AGBL4: variants seen among roughly 807,000 people sequenced by gnomAD.
AGBL4 encodes cytosolic carboxypeptidase 6.
A neutral mutation model predicts 66.4 loss-of-function variants in AGBL4; 58 were observed. That is an observed-to-expected ratio of 0.87 (90% confidence interval 0.71 to 1.09). AGBL4 has a LOEUF of 1.09. AGBL4 is among the 50% of genes least tolerant of loss of function. AGBL4 has a pLI of 0.00. For synonymous variants in AGBL4, 234 were observed against 222.9 expected, an observed-to-expected ratio of 1.05 and a Z score of -0.44; for missense variants, 579 against 631.0, an observed-to-expected ratio of 0.92 and a Z score of 0.88.
chr1:49,121,255 G>A (rs1431426903), intron 4 of AGBL4, among the ~76,000 whole-genome samples: 6 of 152,160 alleles, frequency 3.9e-5, no homozygotes, highest in Admixed American at 2.0e-4. Context: ...CATTGCCGGC[G>A]AGGAGCTGCA....
chr1:49,713,512 C>G (rs1647834380), intron 2 of AGBL4, among the ~76,000 whole-genome samples: 1 of 151,772 alleles, frequency 6.6e-6, no homozygotes, highest in South Asian at 2.1e-4. Context: ...CAGTTACATA[C>G]TAATAGTAGC....
At chr1:48,747,056 T>C (rs145679498) in intron 6 of AGBL4, among the ~76,000 whole-genome samples, 6 of 152,328 alleles carry the variant, frequency 3.9e-5, no homozygotes, top group African/African-American at 1.4e-4. Context: ...TTACATCTCA[T>C]TACAACAAAT....
At chr1:49,708,485 C>T (rs2124648915) in intron 2 of AGBL4, among the ~76,000 whole-genome samples, 1 of 152,126 alleles carries the variant, frequency 6.6e-6, no homozygotes, top group Non-Finnish European at 1.5e-5. Flanking sequence ...AACTTCCTTG[C>T]ATTGGTTAGA....
chr1:49,540,579 C>T (rs1344610780), intron 3 of AGBL4, among the ~76,000 whole-genome samples: 1 of 152,042 alleles, frequency 6.6e-6, no homozygotes, highest in Non-Finnish European at 1.5e-5. Flanking sequence ...TTGTTAAAAG[C>T]ATAACCAAAA....
intron 5 of AGBL4, among the ~76,000 whole-genome samples, chr1:48,932,765 T>C (rs960349018): frequency 1.3e-5 from 2 of 152,204 alleles, no homozygotes; most frequent in Admixed American, 6.5e-5. Context: ...TGTGAACCTC[T>C]TTAATGAATG....
chr1:49,848,765 T>G (rs1381554583), intron 2 of AGBL4, among the ~76,000 whole-genome samples: 1 of 152,218 alleles, frequency 6.6e-6, no homozygotes, highest in Admixed American at 6.5e-5. Context: ...CTACGCAATA[T>G]ATCAATGTAT....
intron 2 of AGBL4, among the ~76,000 whole-genome samples, chr1:49,719,914 C>A (rs553372418): frequency 6.6e-6 from 1 of 152,200 alleles, no homozygotes; most frequent in East Asian, 1.9e-4. Context: ...TTTGCTTCCC[C>A]TTCCACCATG....
intron 5 of AGBL4, among the ~76,000 whole-genome samples, chr1:48,868,539 C>T (rs1648335700): frequency 6.6e-6 from 1 of 152,108 alleles, no homozygotes; most frequent in African/African-American, 2.4e-5. Flanking sequence ...CTGATTCTGA[C>T]TCTAGAGTCC....
intron 2 of AGBL4, among the ~76,000 whole-genome samples, chr1:49,809,188 G>A (rs1158839424): frequency 6.6e-6 from 1 of 151,676 alleles, no homozygotes; most frequent in African/African-American, 2.4e-5. Context: ...TTAAGTTCTA[G>A]GGTACATGTG....
intron 1 of AGBL4, among the ~76,000 whole-genome samples, chr1:49,883,914 A>T (rs1647714840): frequency 7.2e-5 from 11 of 152,026 alleles, no homozygotes. Context: ...GGAAATACAA[A>T]GTTATTATTC....
chr1:49,603,579 T>G, intron 3 of AGBL4, among the ~76,000 whole-genome samples: 1 of 145,652 alleles, frequency 6.9e-6, no homozygotes, highest in African/African-American at 2.6e-5. Flanking sequence ...AATAAACAAA[T>G]AAATAGAAAG....
At chr1:48,772,680 G>C (rs1307142911) in intron 6 of AGBL4, among the ~76,000 whole-genome samples, 1 of 152,160 alleles carries the variant, frequency 6.6e-6, no homozygotes. Context: ...AGTCAACTAA[G>C]ACTGTGTTTT....
At chr1:49,137,209 C>A (rs934560516) in intron 4 of AGBL4, among the ~76,000 whole-genome samples, 9 of 152,044 alleles carry the variant, frequency 5.9e-5, no homozygotes, top group African/African-American at 2.2e-4. Flanking sequence ...GGTCACATAG[C>A]CAAGAAACAG....
chr1:49,740,512 A>T (rs1650350984), intron 2 of AGBL4, among the ~76,000 whole-genome samples: 1 of 152,188 alleles, frequency 6.6e-6, no homozygotes, highest in Admixed American at 6.5e-5. Flanking sequence ...GTTAACAAGG[A>T]TATCCAGGAA....
chr1:49,864,116 T>C (rs555138671), intron 1 of AGBL4, among the ~76,000 whole-genome samples: 1 of 152,098 alleles, frequency 6.6e-6, no homozygotes, highest in African/African-American at 2.4e-5. Context: ...TCCAAAAACA[T>C]AGATAGAACT....
rs563939137 is a variant in AGBL4 at position 49,824,603 on chromosome 1, G to C, written c.157+26793C>G. ...AACTGACCTTAGGGCTTCAGAGAAG[G>C]CTTCCTGGTTAGACAACTAAGTTAT... On this transcript the variant is annotated intron_variant, in intron 2 of 13. Coordinates refer to ENST00000371839, the MANE Select transcript of AGBL4 (RefSeq NM_032785.4). Among the ~76,000 whole-genome samples the C allele has an allele frequency of 1.6e-4, 24 of 152,318 alleles. 1 individual carries two copies. The South Asian group carries it at 4.6e-3, about 29-fold the overall frequency.
intron 2 of AGBL4, among the ~76,000 whole-genome samples, chr1:49,824,429 C>T (rs4926831): frequency 0.42 from 64,299 of 152,030 alleles, 16,091 homozygotes; most frequent in Non-Finnish European, 0.57. Flanking sequence ...TTGAGCCTCA[C>T]GATTTGTCAA....
At chr1:49,115,091 T>C (rs990563244) in intron 4 of AGBL4, among the ~76,000 whole-genome samples, 1 of 152,130 alleles carries the variant, frequency 6.6e-6, no homozygotes, top group African/African-American at 2.4e-5. Context: ...CAACACAGTA[T>C]CTGTAAAGTG....
chr1:49,098,146 C>T (rs887810512), intron 4 of AGBL4, among the ~76,000 whole-genome samples: 3 of 152,154 alleles, frequency 2.0e-5, no homozygotes, highest in South Asian at 4.1e-4. Context: ...AATCACTTCA[C>T]TCTAAGATCA....
Sources: allele counts gnomAD v4.1 joint callset (sites outside exome capture counted in the v4.1 genomes callset), GRCh38; gene constraint gnomAD v4.1.1; transcripts MANE v1.5; gene names NCBI Gene and HGNC (gene_info 2026-07-23, HGNC 2026-07-21).